ITPK1: variants seen among roughly 807,000 people sequenced by gnomAD.
ITPK1 encodes inositol 1,3,4-trisphosphate 5/6-kinase.
ITPK1 carries 21 observed loss-of-function variants against 45.3 expected under a neutral mutation model. That is an observed-to-expected ratio of 0.46 (90% CI 0.33 to 0.67). The LOEUF is 0.67. Ranked by LOEUF, ITPK1 falls within the 30% of genes least tolerant of loss-of-function variation. The pLI is 0.02. For synonymous variants in ITPK1, 258 were observed against 253.6 expected (o/e 1.02, Z -0.16); for missense variants, 474 against 573.5 (o/e 0.83, Z 1.77).
intron 5 of ITPK1, among the ~76,000 whole-genome samples, chr14:92,967,199 A>G (rs951044132): frequency 6.6e-5 from 10 of 152,256 alleles, no homozygotes; most frequent in Non-Finnish European, 1.5e-4. Flanking sequence ...AGCGTCTAGT[A>G]TCCGAAATAT....
At chr14:93,062,139 C>T (rs1362418456) in intron 3 of ITPK1, among the ~76,000 whole-genome samples, 6 of 152,106 alleles carry the variant, frequency 3.9e-5, no homozygotes, top group African/African-American at 1.4e-4. Context: ...GGCATGGTGG[C>T]GCGTGCCTGT....
intron 10 of ITPK1, among the ~76,000 whole-genome samples, chr14:92,944,977 GC>G (rs1887611715): frequency 6.6e-6 from 1 of 152,216 alleles, no homozygotes; most frequent in East Asian, 1.9e-4. Context: ...CTGTCCTCCA[GC>G]CTTCCTGCCC....
chr14:93,111,679 C>G (rs1892759036), intron 2 of ITPK1, among the ~76,000 whole-genome samples: 1 of 149,070 alleles, frequency 6.7e-6, no homozygotes, highest in Non-Finnish European at 1.5e-5. Context: ...CCACTGCACT[C>G]CAGGCTGGGC....
At chr14:92,956,339 A>T (rs1359999482) in intron 8 of ITPK1, among the ~76,000 whole-genome samples, 1 of 149,964 alleles carries the variant, frequency 6.7e-6, no homozygotes, top group Admixed American at 6.7e-5. Context: ...TATGTTGCCC[A>T]GGCTGGTCTC....
chr14:93,102,083 C>A (rs1267446147), intron 2 of ITPK1, among the ~76,000 whole-genome samples: 2 of 152,254 alleles, frequency 1.3e-5, no homozygotes, highest in Admixed American at 1.3e-4. Context: ...GACTCCCCTG[C>A]CCCTAACCCT....
chr14:93,024,605 A>T (rs1888638987), intron 3 of ITPK1, among the ~76,000 whole-genome samples: 1 of 152,156 alleles, frequency 6.6e-6, no homozygotes, highest in African/African-American at 2.4e-5. Context: ...CACCAGCATG[A>T]TTCTGATAAT....
At position 92,999,647 on chromosome 14, in the gene ITPK1, C is replaced by T. The variant is rs374840000; in HGVS notation, c.247-5650G>A. ...CTGATGGCATGAAGGGACTGCATGC[C>T]AGGGAGCTGGAGGCCGCCAGGCCCA... On this transcript the variant is annotated intron_variant, in intron 4 of 10. Transcript: ENST00000267615. 1.4e-3 allele frequency among the ~76,000 whole-genome samples: 219 copies of T among 152,324 alleles called. 1 individual carries two copies. Among genetic ancestry groups the T allele is most frequent in the African/African-American group, 5.2e-3 (216 of 41,576 alleles).
chr14:93,113,481 C>T (rs1892825975), intron 2 of ITPK1, among the ~76,000 whole-genome samples: 1 of 152,222 alleles, frequency 6.6e-6, no homozygotes, highest in African/African-American at 2.4e-5. Flanking sequence ...GAGGTATTCG[C>T]TGGGATTTCC....
chr14:93,026,990 A>G (rs182757980), intron 3 of ITPK1, among the ~76,000 whole-genome samples: 2 of 152,180 alleles, frequency 1.3e-5, no homozygotes, highest in African/African-American at 4.8e-5. Flanking sequence ...AATAACATCA[A>G]TTCCTTCAAC....
At chr14:93,082,348 C>T (rs1424052777) in intron 2 of ITPK1, among the ~76,000 whole-genome samples, 4 of 152,148 alleles carry the variant, frequency 2.6e-5, no homozygotes, top group African/African-American at 4.8e-5. Flanking sequence ...GACTGAGCTT[C>T]GCAGCATTCA....
chr14:93,054,248 A>G (rs1890136665), intron 3 of ITPK1, among the ~76,000 whole-genome samples: 1 of 152,190 alleles, frequency 6.6e-6, no homozygotes, highest in African/African-American at 2.4e-5. Flanking sequence ...CTGGACTAAG[A>G]CACAGCCCAG....
At chr14:92,968,647 C>G (rs950766348) in intron 5 of ITPK1, among the ~76,000 whole-genome samples, 16 of 152,242 alleles carry the variant, frequency 1.1e-4, no homozygotes, top group African/African-American at 3.9e-4. Flanking sequence ...AGCATCAGGC[C>G]AGACACCCCC....
At chr14:93,095,742 C>A (rs559143581) in intron 2 of ITPK1, among the ~76,000 whole-genome samples, 1 of 151,762 alleles carries the variant, frequency 6.6e-6, no homozygotes, top group African/African-American at 2.4e-5. Context: ...CCCTTGCCCC[C>A]CTCTCCCATT....
intron 3 of ITPK1, among the ~76,000 whole-genome samples, chr14:93,051,619 G>GAAAGA (rs1890012550): frequency 7.7e-6 from 1 of 129,802 alleles, no homozygotes. Context: ...TGTCTCAAAA[G>GAAAGA]AAAAAAAAAA....
At chr14:92,944,737 T>C (rs1344965598) in intron 10 of ITPK1, among the ~76,000 whole-genome samples, 3 of 152,190 alleles carry the variant, frequency 2.0e-5, no homozygotes, top group Admixed American at 6.5e-5. Context: ...TTATCCTGAA[T>C]GTCCCTTGCG....
chr14:93,027,875 G>T (rs941166690), intron 3 of ITPK1, among the ~76,000 whole-genome samples: 15 of 152,216 alleles, frequency 9.9e-5, no homozygotes, highest in Non-Finnish European at 2.1e-4. Flanking sequence ...TGCTCTCAGT[G>T]CCCAAGGAAT....
In ITPK1 at chr14:93,036,324, G is replaced by A. The variant is rs561086814; in HGVS notation, c.121-19523C>T. 1.8e-4 allele frequency among the ~76,000 whole-genome samples: 27 copies of A among 152,206 alleles called. No homozygotes were observed. The highest frequency in any genetic ancestry group is 3.4e-4 in the Non-Finnish European group (23 of 68,028). ...AAAGGGCATCCGGTTGAGGCCACAAGGTCATGCTCTGTGACAGCGTGAGAA... is the reference window on the plus strand; with the variant it reads ...AAAGGGCATCCGGTTGAGGCCACAAAGTCATGCTCTGTGACAGCGTGAGAA... On this transcript the variant is annotated intron_variant, in intron 3 of 10. Transcript: ENST00000267615. This position sits in a 1 kb window ranked among gnomAD's most constrained non-coding sequence, Gnocchi z 4.1.
At chr14:92,954,983 C>T (rs1168539583) in intron 8 of ITPK1, among the ~76,000 whole-genome samples, 1 of 152,208 alleles carries the variant, frequency 6.6e-6, no homozygotes, top group East Asian at 1.9e-4. Flanking sequence ...TGCAGTTTCT[C>T]CCACCAGAAT....
intron 5 of ITPK1, among the ~76,000 whole-genome samples, chr14:92,982,448 C>T (rs1007401520): frequency 1.3e-5 from 2 of 152,192 alleles, no homozygotes; most frequent in African/African-American, 4.8e-5. Flanking sequence ...AGAAGAAACA[C>T]AGGACCTGTA....
Sources: gnomAD v4.1 joint callset for allele counts (sites outside exome capture counted in the v4.1 genomes callset) on GRCh38, gnomAD v4.1.1 for gene constraint, Gnocchi (gnomAD v3.1) non-coding constraint, MANE v1.5 for transcripts, NCBI Gene and HGNC (gene_info 2026-07-23, HGNC 2026-07-21) for gene names.